The following DNAH7 variants were observed in gnomAD, a reference collection of about 807,000 sequenced individuals.
The protein encoded by DNAH7 is dynein axonemal heavy chain 7, also known as axonemal beta dynein heavy chain 7.
In DNAH7, 397 loss-of-function variants were observed where a neutral mutation model predicts 444.6. That is an observed-to-expected ratio of 0.89 (90% CI 0.82 to 0.97). The LOEUF (loss-of-function observed/expected upper bound fraction) is 0.97, where lower values mean the gene tolerates loss of function less well. Among genes scored for constraint, DNAH7 ranks in the 50% least tolerant of loss-of-function variants. The pLI is 0.00. For missense variants in DNAH7, 4,902 were observed against 4,800.8 expected (o/e 1.02, Z -0.62); for synonymous variants, 1,636 against 1,624.4 (o/e 1.01, Z -0.17).
At chr2:196,019,881 G>C (rs1416472113) in intron 8 of DNAH7, among the ~76,000 whole-genome samples, 3 of 151,912 alleles carry the variant, frequency 2.0e-5, no homozygotes, top group African/African-American at 7.3e-5. Flanking sequence ...ACTTACATGT[G>C]GATTTTCTTC....
intron 13 of DNAH7, 99 bp downstream of exon 13, chr2:195,987,858 T>A (rs1325456849): frequency 1.0e-5 from 12 of 1,163,164 alleles, no homozygotes; most frequent in Non-Finnish European, 1.4e-5. Context: ...CTGTTGATGA[T>A]AATGTTCTAA....
At chr2:195,828,098 T>C (rs1697870847) in intron 48 of DNAH7, among the ~76,000 whole-genome samples, 1 of 152,174 alleles carries the variant, frequency 6.6e-6, no homozygotes. Flanking sequence ...ATCATAAAAC[T>C]TCAGCTGCAA....
intron 38 of DNAH7, among the ~76,000 whole-genome samples, chr2:195,873,995 A>G (rs1357629569): frequency 6.6e-6 from 1 of 152,258 alleles, no homozygotes; most frequent in Non-Finnish European, 1.5e-5. Flanking sequence ...TGTTCTCCAC[A>G]GTTTACAGCT....
intron 5 of DNAH7, among the ~76,000 whole-genome samples, chr2:196,044,073 TAA>T (rs907382507): frequency 1.3e-4 from 19 of 151,830 alleles, no homozygotes; most frequent in African/African-American, 4.6e-4. Context: ...CAGAGGAAAA[TAA>T]GTCATTATAT....
chr2:195,985,028 C>T (rs141773116), intron 14 of DNAH7, among the ~76,000 whole-genome samples: 215 of 152,114 alleles, frequency 1.4e-3, no homozygotes, highest in African/African-American at 4.8e-3. Flanking sequence ...GCTTTAAGGG[C>T]TCTAAGAGAG....
Position 195,970,064 on chromosome 2 carries a change from C to T in DNAH7, c.2089G>A (p.Glu697Lys), listed in dbSNP as rs1691742140. Residue 697 changes from glutamate (E) to lysine (K), a missense_variant, in exon 17 of 65, where the codon GAG becomes AAG. By Grantham distance (56) the Glu-to-Lys change is moderately conservative. Transcript: ENST00000312428. ...LRCERFVEEL[E>K]SYAKQSEEFY... ...TCTTCTGATTGCTTAGCATAACTCT[C>T]CAATTCCTCCACAAACCGTTCACAC... 1 of 1,611,834 alleles carries T rather than the reference C, an allele frequency of 6.2e-7. No homozygotes were observed. The highest frequency in any genetic ancestry group is 8.5e-7 in the Non-Finnish European group (1 of 1,179,270).
chr2:196,002,345 G>C (rs1247902332), intron 10 of DNAH7, among the ~76,000 whole-genome samples: 1 of 152,064 alleles, frequency 6.6e-6, no homozygotes, highest in African/African-American at 2.4e-5. Context: ...AACAAAATCA[G>C]GTATTTATTT....
intron 8 of DNAH7, among the ~76,000 whole-genome samples, chr2:196,021,234 T>C (rs1246582094): frequency 1.3e-5 from 2 of 152,228 alleles, no homozygotes; most frequent in Admixed American, 6.5e-5. Flanking sequence ...CAAGTACTTA[T>C]GTTTTAACCA....
Position 196,000,877 on chromosome 2 carries a change from C to G in DNAH7, c.1180G>C (p.Val394Leu). 1 of 1,562,142 alleles carries G rather than the reference C, an allele frequency of 6.4e-7. No homozygotes were observed. Among genetic ancestry groups the G allele is most frequent in the Non-Finnish European group, 8.6e-7 (1 of 1,159,294 alleles). ...AAACCTGGATGTTCAAAAGCTCTAA[C>G]AGAATCCTGCAAAAAATTAAAAAAT... ...TDLIAQPPDS[V>L]RAFEHPGFIM... is the part of the protein sequence containing the mutation. The change falls in exon 12 of 65, where the codon GTT becomes CTT. Residue 394 changes from valine (V) to leucine (L), a missense_variant. Physicochemically the swap from Val to Leu is conservative, Grantham distance 32. Coordinates refer to ENST00000312428, the MANE Select transcript of DNAH7 (RefSeq NM_018897.3).
intron 2 of DNAH7, 75 bp downstream of exon 2, chr2:196,057,979 T>C (rs1200508981): frequency 1.7e-6 from 2 of 1,176,198 alleles, no homozygotes; most frequent in Non-Finnish European, 2.3e-6. Flanking sequence ...TTCAGTAACT[T>C]ACTTTCAAGC....
chr2:196,006,861 A>AT (rs1694410061), intron 10 of DNAH7, among the ~76,000 whole-genome samples: 1 of 152,242 alleles, frequency 6.6e-6, no homozygotes, highest in African/African-American at 2.4e-5. Flanking sequence ...TTGTATTTAC[A>AT]TTTAATACAT....
chr2:195,865,041 C>A lies in DNAH7; in HGVS notation c.6634-20G>T. 2 of 1,538,892 alleles carry A rather than the reference C, an allele frequency of 1.3e-6. No homozygotes were observed. The highest frequency in any genetic ancestry group is 1.7e-6 in the Non-Finnish European group (2 of 1,154,378). On this transcript the variant is annotated intron_variant, in intron 40 of 64. Coordinates refer to ENST00000312428, the MANE Select transcript of DNAH7 (RefSeq NM_018897.3). ...AAGGACCTGTATAATAATTAAAAAG[C>A]AGCTTTAGAAACTTTCTTCTGATTT...
At chr2:195,914,160 TG>T (rs1687528633) in intron 24 of DNAH7, among the ~76,000 whole-genome samples, 1 of 152,242 alleles carries the variant, frequency 6.6e-6, no homozygotes, top group African/African-American at 2.4e-5. Flanking sequence ...GTATTGTAAT[TG>T]TTTTTTAAAC....
chr2:196,029,259 T>C (rs1394585645), intron 5 of DNAH7, among the ~76,000 whole-genome samples: 3 of 151,972 alleles, frequency 2.0e-5, no homozygotes, highest in South Asian at 2.1e-4. Context: ...CTTTTGTTTG[T>C]TTGTTTGTTT....
chr2:195,956,114 G>A (rs557359371), intron 19 of DNAH7, among the ~76,000 whole-genome samples: 13 of 152,128 alleles, frequency 8.5e-5, no homozygotes, highest in Admixed American at 3.3e-4. Context: ...TATAGTTGAC[G>A]TCAATACAGT....
intron 23 of DNAH7, 114 bp downstream of exon 23, chr2:195,923,481 A>T: frequency 1.0e-6 from 1 of 964,050 alleles, no homozygotes; most frequent in Non-Finnish European, 1.6e-6. Flanking sequence ...ATAGTCTGCC[A>T]TCAGCAAAAG....
At chr2:195,802,172 GTTATT>G (rs1305660940) in intron 54 of DNAH7, among the ~76,000 whole-genome samples, 1 of 152,106 alleles carries the variant, frequency 6.6e-6, no homozygotes, top group African/African-American at 2.4e-5. Context: ...ATTTATAGAT[GTTATT>G]TTATGTTTCA....
intron 56 of DNAH7, chr2:195,795,806 T>A (rs1043051029): frequency 1.3e-5 from 2 of 152,234 alleles, no homozygotes; most frequent in African/African-American, 4.8e-5. Flanking sequence ...GTCTTCATGA[T>A]GCTTACATTC....
chr2:195,759,295 A>C (rs865919825), intron 61 of DNAH7, among the ~76,000 whole-genome samples: 9 of 152,208 alleles, frequency 5.9e-5, no homozygotes, highest in African/African-American at 2.2e-4. Flanking sequence ...ATATTTGGTC[A>C]TAAAGGAACC....
Sources: allele counts gnomAD v4.1 joint callset (sites outside exome capture counted in the v4.1 genomes callset), GRCh38; gene constraint gnomAD v4.1.1; transcripts MANE v1.5; gene names NCBI Gene and HGNC (gene_info 2026-07-23, HGNC 2026-07-21).